Variants in DNAJB4 observed in about 807,000 individuals in gnomAD.
DNAJB4 encodes DnaJ heat shock protein family (Hsp40) member B4.
Under a neutral mutation model 26.6 loss-of-function variants are expected in DNAJB4, and 10 were observed. That is an observed-to-expected ratio of 0.38 (90% CI 0.23 to 0.64). The LOEUF is 0.64. DNAJB4 is among the 30% of genes least tolerant of loss of function. DNAJB4 has a pLI of 0.58. For synonymous variants in DNAJB4, 136 were observed against 134.8 expected (o/e 1.01, Z -0.06); for missense variants, 328 against 408.2 (o/e 0.80, Z 1.69).
At chr1:77,989,409 T>A (rs932242496) in intron 1 of DNAJB4, among the ~76,000 whole-genome samples, 2 of 152,348 alleles carry the variant, frequency 1.3e-5, no homozygotes, top group Non-Finnish European at 2.9e-5. Flanking sequence ...GTCTATCTCC[T>A]TCAGACAACT....
chr1:77,997,761 C>T (rs1660096806), intron 1 of DNAJB4, among the ~76,000 whole-genome samples: 1 of 152,056 alleles, frequency 6.6e-6, no homozygotes, highest in South Asian at 2.1e-4. Flanking sequence ...ACCACTCCAG[C>T]CCAAGTTGAG....
In DNAJB4 at chr1:78,016,081, A is replaced by G. The variant is rs1660634649; in HGVS notation, c.848A>G (p.Asp283Gly). ...AGAAACATACCTATGTCAGTAAATG[A>G]TATTGTGAAACCCGGAATGAGGAGA... Reference protein sequence around the residue: ...DGRNIPMSVNDIVKPGMRRRI... With the variant: ...DGRNIPMSVNGIVKPGMRRRI... The change falls in exon 3 of 3, where the codon GAT becomes GGT. Residue 283 changes from aspartate to glycine, a missense_variant. Coordinates refer to ENST00000370763, the MANE Select transcript of DNAJB4 (RefSeq NM_007034.5). The G allele has an allele frequency of 6.2e-7, 1 of 1,614,090 alleles. No individual in the cohort carries two copies.
In DNAJB4 at chr1:77,998,605, C is replaced by G. The variant is rs1660119308; in HGVS notation, c.-31-6475C>G. Among the ~76,000 whole-genome samples the G allele has an allele frequency of 2.0e-5, 3 of 152,058 alleles. No individual in the cohort carries two copies. In the South Asian group the frequency reaches 6.2e-4, roughly 31 times the overall value. ...CTGTAATCTCAGCACTTTGGGAGACCAAAATGGGTGGATCGCTTAAGCCCA... is the reference window on the plus strand; with the variant it reads ...CTGTAATCTCAGCACTTTGGGAGACGAAAATGGGTGGATCGCTTAAGCCCA... On this transcript the variant is annotated intron_variant, in intron 1 of 2. Coordinates refer to the DNAJB4 transcript ENST00000426517.
intron 1 of DNAJB4, among the ~76,000 whole-genome samples, chr1:77,999,333 T>C (rs1660136885): frequency 6.6e-6 from 1 of 152,158 alleles, no homozygotes; most frequent in African/African-American, 2.4e-5. Context: ...TGAAATCTTA[T>C]CACTTGAGTA....
intron 1 of DNAJB4, among the ~76,000 whole-genome samples, chr1:77,991,834 T>A (rs1044798506): frequency 6.6e-6 from 1 of 152,084 alleles, no homozygotes; most frequent in African/African-American, 2.4e-5. Context: ...AAAATTCAGG[T>A]GTTAGGTAAG....
At chr1:78,003,774 G>C (rs867400864), upstream of DNAJB4, among the ~76,000 whole-genome samples, 1 of 151,912 alleles carries the variant, frequency 6.6e-6, no homozygotes, top group African/African-American at 2.4e-5. Flanking sequence ...TCAAAAGCAG[G>C]CATCAAAAGG....
Position 78,016,903 on chromosome 1 carries a change from AT to A in DNAJB4, c.*660del, listed in dbSNP as rs1660655004. The A allele has an allele frequency of 6.6e-6, 1 of 152,168 alleles. No individual in the cohort carries two copies. The highest frequency in any genetic ancestry group is 1.5e-5 in the Non-Finnish European group (1 of 67,986). 9.4% of individuals were successfully genotyped at this position (152,168 alleles called of 1,614,324 possible). ...AATCCCAATTGCTTGAATTACTGAT[AT>A]TTTAGAATAGACTTTTTAAAATGCC... On this transcript the variant is annotated 3_prime_UTR_variant, in exon 3 of 3. Transcript: ENST00000370763.
intron 1 of DNAJB4, among the ~76,000 whole-genome samples, chr1:78,006,815 T>A (rs1394019747): frequency 6.6e-6 from 1 of 152,238 alleles, no homozygotes; most frequent in Non-Finnish European, 1.5e-5. Flanking sequence ...AATAATGTAC[T>A]ACTATTTCTA....
At chr1:77,997,681 C>T (rs531057279) in intron 1 of DNAJB4, among the ~76,000 whole-genome samples, 1 of 152,244 alleles carries the variant, frequency 6.6e-6, no homozygotes, top group East Asian at 1.9e-4. Context: ...TTCTCCCTTT[C>T]TCTGTCAAAA....
At chr1:77,982,760 T>C (rs1659688315) in intron 1 of DNAJB4, among the ~76,000 whole-genome samples, 1 of 152,210 alleles carries the variant, frequency 6.6e-6, no homozygotes, top group Non-Finnish European at 1.5e-5. Flanking sequence ...ATCGCACCAC[T>C]GTACTCCATC....
chr1:77,991,515 G>A (rs920950236), intron 1 of DNAJB4, among the ~76,000 whole-genome samples: 2 of 152,128 alleles, frequency 1.3e-5, no homozygotes, highest in Admixed American at 1.3e-4. Context: ...GGGAGGCTGA[G>A]GCAGAAGGAT....
In DNAJB4 at chr1:78,016,044, A is replaced by G. The variant is rs1299157924; in HGVS notation, c.811A>G (p.Thr271Ala). 6 of 1,614,092 alleles carry G rather than the reference A, an allele frequency of 3.7e-6. No homozygotes were observed. In the Admixed American group the frequency reaches 1.0e-4, roughly 27 times the overall value. The change falls in exon 3 of 3, where the codon ACA becomes GCA. Residue 271 changes from threonine to alanine, a missense_variant. Thr to Ala is a moderately conservative substitution (Grantham distance 58). Coordinates refer to ENST00000370763, the MANE Select transcript of DNAJB4 (RefSeq NM_007034.5). Reference sequence around the variant, plus strand: ...GTGTGGCTGCTCAATTAATGTACCAACACTGGATGGAAGAAACATACCTAT... The same window carrying G: ...GTGTGGCTGCTCAATTAATGTACCAGCACTGGATGGAAGAAACATACCTAT... ...ALCGCSINVP[T>A]LDGRNIPMSV... is the part of the protein sequence containing the mutation.
rs147756678 is a variant in DNAJB4, at chr1:78,013,475, C to T, written c.636C>T (p.Thr212=). ...IEIKKGWKEG[T]KITFPREGDE... ...TTAAAAAAGGGTGGAAAGAAGGCAC[C>T]AAAATTACTTTTCCAAGAGAAGGAG... Residue 212 remains threonine (T), a synonymous_variant, in exon 2 of 3, where the codon ACC becomes ACT. Transcript: ENST00000370763. 8.2e-5 allele frequency: 133 copies of T among 1,614,046 alleles called. No homozygotes were observed. Among genetic ancestry groups the T allele is most frequent in the Admixed American group, 7.7e-4 (46 of 60,006 alleles).
rs537927462 is a variant in DNAJB4, at chr1:78,011,106, C to T, written c.212-1945C>T. Among the ~76,000 whole-genome samples the T allele has an allele frequency of 7.0e-4, 107 of 152,224 alleles. 1 individual carries two copies. Among genetic ancestry groups the T allele is most frequent in the Non-Finnish European group, 5.9e-5 (4 of 68,016 alleles). The stretch of plus-strand genomic sequence containing the variant: ...CTGTATTGACCCCTTAAAAGATCAC[C>T]ATACTGTTGTTTTTTGAGTTTTAGT... On this transcript the variant is annotated intron_variant, in intron 1 of 2. Transcript: ENST00000370763.
chr1:78,010,164 CATT>C (rs747957270), intron 1 of DNAJB4, among the ~76,000 whole-genome samples: 2 of 152,018 alleles, frequency 1.3e-5, no homozygotes, highest in East Asian at 1.9e-4. Flanking sequence ...TAAATTAAAA[CATT>C]ATTCTTTCTT....
chr1:77,982,129 A>C (rs1374793354), intron 1 of DNAJB4, among the ~76,000 whole-genome samples: 1 of 152,214 alleles, frequency 6.6e-6, no homozygotes, highest in Non-Finnish European at 1.5e-5. Context: ...CATACATTAC[A>C]ATAATTTATA....
At chr1:77,983,309 C>T (rs575716600) in intron 1 of DNAJB4, among the ~76,000 whole-genome samples, 3 of 152,280 alleles carry the variant, frequency 2.0e-5, no homozygotes, top group South Asian at 4.2e-4. Context: ...GGTTTTATAC[C>T]GAGACATTCC....
At chr1:77,979,271 C>G, upstream of DNAJB4, 3 of 443,470 alleles carry the variant, frequency 6.8e-6, no homozygotes, top group East Asian at 1.1e-4. Context: ...TCTTTTGGCA[C>G]CTCCTCTCCG....
chr1:78,005,197 C>G lies in DNAJB4; in HGVS notation c.87C>G (p.Leu29=). The change falls in exon 1 of 3, where the codon CTC becomes CTG. Residue 29 remains leucine, a synonymous_variant. Coordinates refer to ENST00000370763, the MANE Select transcript of DNAJB4 (RefSeq NM_007034.5). ...DIKKAYRKQA[L]KFHPDKNKSP... is the part of the protein sequence containing the mutation. ...AAAAGGCTTACCGAAAACAAGCCCT[C>G]AAATTTCATCCGGACAAGAACAAAT... 2 of 1,614,042 alleles carry G rather than the reference C, an allele frequency of 1.2e-6. No individual in the cohort carries two copies. The highest frequency in any genetic ancestry group is 1.3e-5 in the African/African-American group (1 of 75,008).
Sources: allele counts gnomAD v4.1 joint callset (sites outside exome capture counted in the v4.1 genomes callset), GRCh38; gene constraint gnomAD v4.1.1; transcripts MANE v1.5; gene names NCBI Gene and HGNC (gene_info 2026-07-23, HGNC 2026-07-21).